DENND5B: variants seen among roughly 807,000 people sequenced by gnomAD.
The protein encoded by DENND5B is DENN domain containing 5B, also known as DENN domain-containing protein 5B.
A neutral mutation model predicts 140.6 loss-of-function variants in DENND5B; 34 were observed. The ratio of observed to expected loss-of-function variants is 0.24; its 90% CI spans 0.18 to 0.32. The LOEUF (loss-of-function observed/expected upper bound fraction) is 0.32, where lower values mean the gene tolerates loss of function less well. DENND5B is among the 10% of genes least tolerant of loss of function. The probability of loss-of-function intolerance (pLI) is 1.00; values close to 1 mark genes in which losing one functional copy is unlikely to be tolerated. For synonymous variants in DENND5B, 551 were observed against 562.1 expected (o/e 0.98, Z 0.28); for missense variants, 1,142 against 1,560.2 (o/e 0.73, Z 4.52).
chr12:31,563,166 G>C (rs926869757), intron 1 of DENND5B, among the ~76,000 whole-genome samples: 1 of 152,114 alleles, frequency 6.6e-6, no homozygotes, highest in Non-Finnish European at 1.5e-5. Context: ...AGCCAAAGCA[G>C]ACAATGGAGT....
At chr12:31,424,810 C>A (rs1285753202) in intron 9 of DENND5B, 123 bp from the exon 10 acceptor site, 2 of 1,280,178 alleles carry the variant, frequency 1.6e-6, no homozygotes, top group Non-Finnish European at 2.1e-6. Flanking sequence ...TTTGTAATCA[C>A]CTTGGGAAAA....
At chr12:31,496,013 T>C (rs1176152013) in intron 1 of DENND5B, 94 bp from the exon 2 acceptor site, 9 of 810,530 alleles carry the variant, frequency 1.1e-5, no homozygotes, top group Non-Finnish European at 1.5e-5. Flanking sequence ...TGACTGATAA[T>C]GTTGAGATCT....
rs182997718 is a variant in DENND5B, at chr12:31,558,963, C to T, written c.127+31743G>A. ...CTGGAAGCATTACCTTTTTGTAATACGAAAAGAAAAACAGCTGAAAGAAAG... is the reference window on the plus strand; with the variant it reads ...CTGGAAGCATTACCTTTTTGTAATATGAAAAGAAAAACAGCTGAAAGAAAG... On this transcript the variant is annotated intron_variant, in intron 1 of 20. Transcript: ENST00000389082. Among the ~76,000 whole-genome samples, 566 of 151,976 alleles carry T rather than the reference C, an allele frequency of 3.7e-3. 4 individuals are homozygous for T. Among genetic ancestry groups the T allele is most frequent in the Non-Finnish European group, 6.3e-3 (431 of 67,974 alleles).
intron 14 of DENND5B, among the ~76,000 whole-genome samples, chr12:31,405,800 C>A (rs1371074759): frequency 1.3e-5 from 2 of 151,358 alleles, no homozygotes; most frequent in Non-Finnish European, 2.9e-5. Flanking sequence ...CCCACCAAGG[C>A]CTCCCAAAGT....
chr12:31,567,818 A>C (rs1047526351), intron 1 of DENND5B, among the ~76,000 whole-genome samples: 2 of 152,198 alleles, frequency 1.3e-5, no homozygotes, highest in Non-Finnish European at 2.9e-5. Flanking sequence ...CCTCTTTAAA[A>C]AACAACAACA....
intron 1 of DENND5B, among the ~76,000 whole-genome samples, chr12:31,515,921 CT>C (rs1947620654): frequency 6.6e-6 from 1 of 152,108 alleles, no homozygotes; most frequent in African/African-American, 2.4e-5. Flanking sequence ...AAAAATTCAA[CT>C]GTTAGAGACA....
chr12:31,448,357 G>C (rs1383906745), intron 5 of DENND5B, among the ~76,000 whole-genome samples: 1 of 151,770 alleles, frequency 6.6e-6, no homozygotes, highest in Non-Finnish European at 1.5e-5. Flanking sequence ...AGATGGTCTC[G>C]ATCTCCTGAC....
At chr12:31,515,979 A>T (rs1205433692) in intron 1 of DENND5B, among the ~76,000 whole-genome samples, 1 of 152,196 alleles carries the variant, frequency 6.6e-6, no homozygotes. Context: ...AAAATAATTT[A>T]AATATATGCA....
At chr12:31,396,133 G>T (rs1264197238) in intron 17 of DENND5B, among the ~76,000 whole-genome samples, 2 of 142,424 alleles carry the variant, frequency 1.4e-5, no homozygotes, top group African/African-American at 5.2e-5. Context: ...GCAGTGGCAC[G>T]ATATTGGCTT....
rs1354781147 is a variant in DENND5B, at chr12:31,591,039, C to T, written c.-207G>A. The T allele has an allele frequency of 5.9e-6, 2 of 338,258 alleles. No individual in the cohort carries two copies. Among genetic ancestry groups the T allele is most frequent in the African/African-American group, 2.3e-5 (1 of 44,354 alleles). The allele number at this position is 338,258 out of a possible 1,614,324, so 21.0% of individuals were successfully genotyped here. ...GCCGCGGGCTCGCGCGCGGCGGGTC[C>T]GGAGCCCGGCCGGGTGGGGGAGGGG... On this transcript the variant is annotated 5_prime_UTR_variant, in exon 1 of 21. Coordinates refer to ENST00000389082, the MANE Select transcript of DENND5B (RefSeq NM_144973.4).
chr12:31,438,365 T>C (rs981242694), intron 7 of DENND5B, among the ~76,000 whole-genome samples: 2 of 152,198 alleles, frequency 1.3e-5, no homozygotes, highest in Non-Finnish European at 2.9e-5. Context: ...AATGTATTCA[T>C]TATCCTAAGA....
intron 1 of DENND5B, among the ~76,000 whole-genome samples, chr12:31,576,167 A>T (rs1407081863): frequency 2.0e-5 from 3 of 149,816 alleles, no homozygotes; most frequent in Non-Finnish European, 4.4e-5. Flanking sequence ...AAGAAGAATG[A>T]GGCCGCGCGC....
intron 2 of DENND5B, among the ~76,000 whole-genome samples, chr12:31,489,494 C>T (rs1946440192): frequency 6.6e-6 from 1 of 152,180 alleles, no homozygotes; most frequent in African/African-American, 2.4e-5. Flanking sequence ...TAAGAAAAGA[C>T]AGAGTAACTA....
rs1300204749 is a variant in DENND5B, at chr12:31,552,717, AGCTAT to A, written c.127+37984_127+37988del. On this transcript the variant is annotated intron_variant, in intron 1 of 20. Transcript: ENST00000389082. ...GGTCCTGGACTTTTTTTGGTTAGTA[AGCTAT>A]TGATTATTGCCTCAATTTCAGAGCC... 2.0e-5 allele frequency among the ~76,000 whole-genome samples: 3 copies of A among 152,208 alleles called. No homozygotes were observed. The East Asian group carries it at 5.8e-4, about 29-fold the overall frequency.
rs185267701 is a variant in DENND5B at position 31,433,598 on chromosome 12, C to T, written c.2013-350G>A. ...ATTATATTGACATATAATAGTAATG[C>T]CTTGACTTGCTCAAAGTAAATATTA... On this transcript the variant is annotated intron_variant, in intron 7 of 20. Transcript: ENST00000389082. Among the ~76,000 whole-genome samples the T allele has an allele frequency of 1.6e-4, 24 of 152,164 alleles. No homozygotes were observed. In the East Asian group the frequency reaches 1.7e-3, roughly 11 times the overall value.
chr12:31,481,908 T>TGA (rs1946086615), intron 2 of DENND5B, among the ~76,000 whole-genome samples: 1 of 151,934 alleles, frequency 6.6e-6, no homozygotes, highest in African/African-American at 2.4e-5. Context: ...TGGAAGGGAG[T>TGA]GAGAGGCTAG....
chr12:31,466,902 C>T (rs1945294400), intron 3 of DENND5B, among the ~76,000 whole-genome samples: 1 of 151,976 alleles, frequency 6.6e-6, no homozygotes, highest in Non-Finnish European at 1.5e-5. Flanking sequence ...ATATCACACA[C>T]CAAAGACAGA....
chr12:31,460,996 G>C (rs919931210), intron 3 of DENND5B, among the ~76,000 whole-genome samples: 1 of 152,154 alleles, frequency 6.6e-6, no homozygotes, highest in African/African-American at 2.4e-5. Flanking sequence ...AAAGTGCTGG[G>C]ATTACAGGCG....
intron 1 of DENND5B, among the ~76,000 whole-genome samples, chr12:31,501,065 A>G (rs904123037): frequency 1.3e-5 from 2 of 152,178 alleles, no homozygotes; most frequent in African/African-American, 4.8e-5. Flanking sequence ...GGGATGGGAT[A>G]CCTCAACAGA....
Sources: allele counts gnomAD v4.1 joint callset (sites outside exome capture counted in the v4.1 genomes callset), GRCh38; gene constraint gnomAD v4.1.1; transcripts MANE v1.5; gene names NCBI Gene and HGNC (gene_info 2026-07-23, HGNC 2026-07-21).